AGBL4: variants seen among roughly 807,000 people sequenced by gnomAD.
AGBL4 encodes the protein AGBL carboxypeptidase 4.
A neutral mutation model predicts 66.4 loss-of-function variants in AGBL4; 58 were observed. The ratio of observed to expected loss-of-function variants is 0.87; its 90% confidence interval spans 0.71 to 1.09. The LOEUF is 1.09. Ranked by LOEUF, AGBL4 falls within the 50% of genes least tolerant of loss-of-function variation. AGBL4 has a pLI of 0.00. For missense variants in AGBL4, 579 were observed against 631.0 expected, an observed-to-expected ratio of 0.92 and a Z score of 0.88; for synonymous variants, 234 against 222.9, an observed-to-expected ratio of 1.05 and a Z score of -0.44.
chr1:49,950,370 A>G (rs1397866753), intron 1 of AGBL4, among the ~76,000 whole-genome samples: 1 of 151,194 alleles, frequency 6.6e-6, no homozygotes, highest in African/African-American at 2.4e-5. Flanking sequence ...AAACGCATAA[A>G]TAAGAATGAC....
chr1:48,640,967 A>C (rs771444935), intron 8 of AGBL4, among the ~76,000 whole-genome samples: 2 of 152,216 alleles, frequency 1.3e-5, no homozygotes, highest in Admixed American at 6.5e-5. Context: ...CCTCTGAAGA[A>C]GGATAGAGAA....
Position 48,955,318 on chromosome 1 carries a change from T to G in AGBL4, c.595-88088A>C, listed in dbSNP as rs549583495. 2.9e-3 allele frequency among the ~76,000 whole-genome samples: 439 copies of G among 152,296 alleles called. 2 individuals are homozygous for G. The highest frequency in any genetic ancestry group is 0.01 in the African/African-American group (420 of 41,562). The stretch of plus-strand genomic sequence containing the variant: ...TTATGGGTAATGCTGCAGTTGAGCT[T>G]TAGACAGAAATCCTTCCTTTATGTG... On this transcript the variant is annotated intron_variant, in intron 5 of 13. Coordinates refer to ENST00000371839, the MANE Select transcript of AGBL4 (RefSeq NM_032785.4).
At chr1:49,828,298 T>C (rs1645563787) in intron 2 of AGBL4, among the ~76,000 whole-genome samples, 1 of 151,954 alleles carries the variant, frequency 6.6e-6, no homozygotes, top group Non-Finnish European at 1.5e-5. Context: ...GATAAACAAA[T>C]AAAAAAGCAA....
intron 1 of AGBL4, among the ~76,000 whole-genome samples, chr1:49,859,888 G>A (rs1235314902): frequency 6.6e-6 from 1 of 151,942 alleles, no homozygotes; most frequent in African/African-American, 2.4e-5. Context: ...AGCTCAGAAA[G>A]ATTAAAGGAC....
intron 1 of AGBL4, among the ~76,000 whole-genome samples, chr1:49,861,706 T>C (rs1646577453): frequency 6.6e-6 from 1 of 152,186 alleles, no homozygotes; most frequent in Admixed American, 6.5e-5. Flanking sequence ...ACTCTGTATA[T>C]TTATTAGAAA....
intron 5 of AGBL4, among the ~76,000 whole-genome samples, chr1:48,943,037 A>G (rs1396001331): frequency 3.3e-5 from 5 of 152,166 alleles, no homozygotes; most frequent in Admixed American, 6.6e-5. Context: ...ATTTCCTCTG[A>G]TTATGCAGAA....
chr1:48,666,045 G>C (rs750019535), intron 6 of AGBL4, among the ~76,000 whole-genome samples: 3 of 152,166 alleles, frequency 2.0e-5, no homozygotes, highest in Non-Finnish European at 2.9e-5. Flanking sequence ...CAAGCATCTC[G>C]GGTGCTAATA....
intron 1 of AGBL4, among the ~76,000 whole-genome samples, chr1:50,016,365 C>G (rs1572063419): frequency 6.6e-6 from 1 of 152,136 alleles, no homozygotes; most frequent in East Asian, 1.9e-4. Flanking sequence ...AGTTCCAGAC[C>G]AGCCTGGCCA....
chr1:48,588,076 C>T (rs1644853002), intron 10 of AGBL4, among the ~76,000 whole-genome samples: 1 of 152,174 alleles, frequency 6.6e-6, no homozygotes. Flanking sequence ...TTTTATCTCT[C>T]TATAGATGAG....
chr1:49,702,678 T>C (rs1647121924), intron 2 of AGBL4, among the ~76,000 whole-genome samples: 1 of 151,818 alleles, frequency 6.6e-6, no homozygotes, highest in African/African-American at 2.4e-5. Flanking sequence ...TCCCTATAAA[T>C]ATAAACTCAA....
chr1:49,477,355 G>A (rs551451110), intron 3 of AGBL4, among the ~76,000 whole-genome samples: 6 of 152,208 alleles, frequency 3.9e-5, no homozygotes, highest in Admixed American at 2.0e-4. Context: ...CTAGATCCAC[G>A]TAGCTTAGAG....
intron 9 of AGBL4, among the ~76,000 whole-genome samples, chr1:48,609,117 A>G (rs1253384263): frequency 6.6e-6 from 1 of 152,156 alleles, no homozygotes; most frequent in African/African-American, 2.4e-5. Flanking sequence ...GGAGGCCAAG[A>G]TGTGGATAAA....
chr1:49,420,743 G>A (rs1406962137), intron 3 of AGBL4, among the ~76,000 whole-genome samples: 1 of 151,480 alleles, frequency 6.6e-6, no homozygotes, highest in Non-Finnish European at 1.5e-5. Context: ...TGTATGATAT[G>A]CAATTATTAT....
chr1:48,816,853 T>C (rs1646190818), intron 6 of AGBL4, among the ~76,000 whole-genome samples: 1 of 152,196 alleles, frequency 6.6e-6, no homozygotes, highest in Admixed American at 6.5e-5. Flanking sequence ...CATGCTACGA[T>C]AGAGGTTTGT....
At chr1:49,973,854 CT>C (rs1267248678) in intron 1 of AGBL4, among the ~76,000 whole-genome samples, 1 of 151,424 alleles carries the variant, frequency 6.6e-6, no homozygotes, top group East Asian at 1.9e-4. Flanking sequence ...ATTTTCTGTA[CT>C]GAGGATTTTA....
chr1:48,911,537 G>A lies in AGBL4; in HGVS notation c.595-44307C>T, dbSNP rs765785261. On this transcript the variant is annotated intron_variant, in intron 5 of 13. Coordinates refer to ENST00000371839, the MANE Select transcript of AGBL4 (RefSeq NM_032785.4). ...CTGGAGGCTGAGGCAGGAGAATGGC[G>A]TGAACCCGGGAGGCAGAGATTGCAG... is the stretch of plus-strand genomic sequence containing the variant. Among the ~76,000 whole-genome samples the A allele has an allele frequency of 3.3e-5, 5 of 151,078 alleles. No homozygotes were observed. In the East Asian group the frequency reaches 5.9e-4, roughly 18 times the overall value.
intron 2 of AGBL4, chr1:49,845,144 C>A (rs1365781854): frequency 2.2e-6 from 3 of 1,394,976 alleles, no homozygotes; most frequent in Admixed American, 3.4e-5. Context: ...CGTACGCATA[C>A]AGGACAGAGA....
At chr1:49,235,952 G>A (rs993695888) in intron 4 of AGBL4, among the ~76,000 whole-genome samples, 1 of 151,952 alleles carries the variant, frequency 6.6e-6, no homozygotes, top group Non-Finnish European at 1.5e-5. Context: ...CCTATTTCTA[G>A]TTGAACATGT....
At position 49,943,722 on chromosome 1, in the gene AGBL4, A is replaced by G. The variant is rs1357061350; in HGVS notation, c.34+80041T>C. 2.4e-4 allele frequency among the ~76,000 whole-genome samples: 23 copies of G among 94,440 alleles called. 1 individual carries two copies. The highest frequency in any genetic ancestry group is 2.4e-3 in the Admixed American group (21 of 8,710). 62.0% of individuals were successfully genotyped at this position (94,440 alleles called of 152,430 possible). A position where few individuals can be genotyped will look rare whatever the true frequency, so the allele number is the denominator to read the frequency against. On this transcript the variant is annotated intron_variant, in intron 1 of 13. Coordinates refer to ENST00000371839, the MANE Select transcript of AGBL4 (RefSeq NM_032785.4). ...GAGGTACTGGGAAAAGGTCACAGGG[A>G]AAAAAAAAAAAAACCTCCAGCAGAA...
Sources: gnomAD v4.1 joint callset for allele counts (sites outside exome capture counted in the v4.1 genomes callset) on GRCh38, gnomAD v4.1.1 for gene constraint, MANE v1.5 for transcripts, NCBI Gene and HGNC (gene_info 2026-07-23, HGNC 2026-07-21) for gene names.